Variants in PPP1R9A observed in about 807,000 individuals in gnomAD.
The protein encoded by PPP1R9A is protein phosphatase 1 regulatory subunit 9A.
PPP1R9A carries 59 observed loss-of-function variants against 141.9 expected under a neutral mutation model. That is an observed-to-expected ratio of 0.42 (90% confidence interval 0.34 to 0.52). PPP1R9A has a LOEUF of 0.52. Among genes scored for constraint, PPP1R9A ranks in the 20% least tolerant of loss-of-function variants. The pLI, the probability that PPP1R9A is intolerant of heterozygous loss-of-function variation, is 0.10. For synonymous variants in PPP1R9A, 500 were observed against 569.7 expected, an observed-to-expected ratio of 0.88 and a Z score of 1.74; for missense variants, 1,444 against 1,611.9, an observed-to-expected ratio of 0.90 and a Z score of 1.78.
At chr7:95,011,471 A>G (rs1344293077) in intron 2 of PPP1R9A, among the ~76,000 whole-genome samples, 1 of 152,190 alleles carries the variant, frequency 6.6e-6, no homozygotes, top group Non-Finnish European at 1.5e-5. Flanking sequence ...AGTAATCACT[A>G]TATATGTGGT....
At chr7:95,069,355 G>A (rs1813438179) in intron 2 of PPP1R9A, among the ~76,000 whole-genome samples, 1 of 151,978 alleles carries the variant, frequency 6.6e-6, no homozygotes, top group Admixed American at 6.6e-5. Context: ...TATTCTTTTG[G>A]AAAAATATTA....
rs565728068 is a variant in PPP1R9A, at chr7:95,093,070, C to G, written c.1396-18189C>G. Among the ~76,000 whole-genome samples, 105 of 152,264 alleles carry G rather than the reference C, an allele frequency of 6.9e-4. 3 individuals are homozygous for G. In the East Asian group the frequency reaches 0.018, roughly 26 times the overall value. On this transcript the variant is annotated intron_variant, in intron 2 of 19. Transcript: ENST00000433360. ...AGGTGGAGATGACATGCCATGCCAA[C>G]AGGTTTTGGTAGACTTGAGTTCTTA... is the stretch of plus-strand genomic sequence containing the variant.
chr7:94,997,699 G>A (rs548863419), intron 2 of PPP1R9A, among the ~76,000 whole-genome samples: 1 of 152,148 alleles, frequency 6.6e-6, no homozygotes, highest in African/African-American at 2.4e-5. Context: ...GTGTAACTTA[G>A]TAGTTAGCTA....
At chr7:95,257,985 A>C (rs1216284678) in intron 12 of PPP1R9A, among the ~76,000 whole-genome samples, 1 of 152,160 alleles carries the variant, frequency 6.6e-6, no homozygotes, top group Non-Finnish European at 1.5e-5. Flanking sequence ...ATATGTGTGC[A>C]TGTGTCTTAA....
intron 7 of PPP1R9A, among the ~76,000 whole-genome samples, chr7:95,217,631 A>G (rs1303979448): frequency 6.6e-6 from 1 of 152,104 alleles, no homozygotes; most frequent in African/African-American, 2.4e-5. Context: ...GCTCTTAATT[A>G]TTGCCTCAAT....
In PPP1R9A at chr7:95,286,995, G is replaced by A. The variant is rs866013900; in HGVS notation, c.3729+670G>A. ...TTTTTTCTTGTAAGCTTTTCTGCCC[G>A]TATTCTTCAAGCTTGGTGCAATTTT... On this transcript the variant is annotated intron_variant, in intron 18 of 19. Transcript: ENST00000433360. 67 of 1,077,896 alleles carry A rather than the reference G, an allele frequency of 6.2e-5. No individual in the cohort carries two copies. The Middle Eastern group carries it at 1.2e-3, about 20-fold the overall frequency. 66.8% of individuals were successfully genotyped at this position (1,077,896 alleles called of 1,614,324 possible).
intron 2 of PPP1R9A, 35 bp from the exon 3 acceptor site, chr7:95,111,224 T>C: frequency 1.3e-6 from 2 of 1,527,088 alleles, no homozygotes; most frequent in Non-Finnish European, 1.8e-6. Flanking sequence ...TTTTTTTTTT[T>C]TCTGTATTAT....
At chr7:95,033,171 ATTTTTTTTTTT>A in intron 2 of PPP1R9A, among the ~76,000 whole-genome samples, 1 of 103,868 alleles carries the variant, frequency 9.6e-6, no homozygotes, top group South Asian at 3.6e-4. Flanking sequence ...TGCCTGGCTA[ATTTTTTTTTTT>A]TTTTTTTTTT....
chr7:94,958,983 A>C (rs1797341767), intron 2 of PPP1R9A, among the ~76,000 whole-genome samples: 1 of 152,034 alleles, frequency 6.6e-6, no homozygotes, highest in Non-Finnish European at 1.5e-5. Flanking sequence ...GTTAATGGAC[A>C]ACCACTTGAA....
intron 16 of PPP1R9A, among the ~76,000 whole-genome samples, chr7:95,278,076 A>G (rs1803525338): frequency 6.6e-6 from 1 of 152,204 alleles, no homozygotes. Context: ...AGTGTGAACA[A>G]CAGAAACAAC....
At chr7:94,983,679 T>A (rs549621868) in intron 2 of PPP1R9A, among the ~76,000 whole-genome samples, 136 of 152,304 alleles carry the variant, frequency 8.9e-4, no homozygotes, top group African/African-American at 3.2e-3. Flanking sequence ...CACATTGATT[T>A]TGTATCCTGC....
intron 2 of PPP1R9A, among the ~76,000 whole-genome samples, chr7:94,927,000 A>G (rs1793562061): frequency 6.6e-6 from 1 of 152,140 alleles, no homozygotes; most frequent in Admixed American, 6.6e-5. Context: ...AATGTCTGAC[A>G]GTTGTTATTA....
chr7:95,085,738 T>C (rs1816538486), intron 2 of PPP1R9A, among the ~76,000 whole-genome samples: 1 of 151,996 alleles, frequency 6.6e-6, no homozygotes. Flanking sequence ...TGAATAGCAT[T>C]TTATTAGTAT....
chr7:95,010,779 A>T lies in PPP1R9A; in HGVS notation c.1395+99271A>T, dbSNP rs912623294. The stretch of plus-strand genomic sequence containing the variant: ...TATACTACTGTTTTTGAAAATTATA[A>T]CTATTTGAACCAGGTACTATTGCTA... On this transcript the variant is annotated intron_variant, in intron 2 of 19. Coordinates refer to ENST00000433360, the MANE Select transcript of PPP1R9A (RefSeq NM_001166160.2). Among the ~76,000 whole-genome samples the T allele has an allele frequency of 3.3e-5, 5 of 152,150 alleles. No individual in the cohort carries two copies. In the South Asian group the frequency reaches 1.0e-3, roughly 31 times the overall value.
chr7:94,976,587 A>G (rs1039608475), intron 2 of PPP1R9A, among the ~76,000 whole-genome samples: 1 of 152,110 alleles, frequency 6.6e-6, no homozygotes, highest in Non-Finnish European at 1.5e-5. Flanking sequence ...TGATCCACCT[A>G]TCTCAGCCTA....
chr7:95,202,512 A>C, intron 6 of PPP1R9A: 44 of 523,930 alleles, frequency 8.4e-5, no homozygotes, highest in Non-Finnish European at 1.0e-4. Flanking sequence ...TAATCGAAGT[A>C]TTGATCACTT....
At position 95,126,189 on chromosome 7, in the gene PPP1R9A, A is replaced by T. The variant is rs538651395; in HGVS notation, c.1649+5357A>T. Among the ~76,000 whole-genome samples the T allele has an allele frequency of 1.8e-4, 27 of 152,296 alleles. 1 individual carries two copies. The South Asian group carries it at 5.4e-3, about 30-fold the overall frequency. ...AGATCTCTGTTGACCTAAGTACATTAATGTTGCTCCAGCTGGTCTCCCTGT... is the reference window on the plus strand; with the variant it reads ...AGATCTCTGTTGACCTAAGTACATTTATGTTGCTCCAGCTGGTCTCCCTGT... On this transcript the variant is annotated intron_variant, in intron 4 of 19. Coordinates refer to ENST00000433360, the MANE Select transcript of PPP1R9A (RefSeq NM_001166160.2).
At chr7:95,271,303 G>C (rs762579017) in intron 14 of PPP1R9A, among the ~76,000 whole-genome samples, 4 of 152,162 alleles carry the variant, frequency 2.6e-5, no homozygotes, top group Non-Finnish European at 4.4e-5. Flanking sequence ...ACACCACCAG[G>C]TATGGAGAAG....
At chr7:94,950,029 G>T (rs1796303703) in intron 2 of PPP1R9A, among the ~76,000 whole-genome samples, 1 of 151,418 alleles carries the variant, frequency 6.6e-6, no homozygotes, top group Non-Finnish European at 1.5e-5. Flanking sequence ...AATTATGAAG[G>T]ATCCCAAAAA....
Sources: gnomAD v4.1 joint callset for allele counts (sites outside exome capture counted in the v4.1 genomes callset) on GRCh38, gnomAD v4.1.1 for gene constraint, MANE v1.5 for transcripts, NCBI Gene and HGNC (gene_info 2026-07-23, HGNC 2026-07-21) for gene names.